MS4A13: variants seen among roughly 807,000 people sequenced by gnomAD.
MS4A13 encodes membrane-spanning 4-domains subfamily A member 13.
A neutral mutation model predicts 18.4 loss-of-function variants in MS4A13; 21 were observed. The observed-to-expected ratio is 1.14, with a 90% CI of 0.81 to 1.64. The LOEUF (loss-of-function observed/expected upper bound fraction) is 1.64, where lower values mean the gene tolerates loss of function less well. Ranked by LOEUF, MS4A13 falls within the 40% of genes most tolerant of loss-of-function variation. The probability of loss-of-function intolerance (pLI) is 0.00; values close to 1 mark genes in which losing one functional copy is unlikely to be tolerated. For missense variants in MS4A13, 173 were observed against 176.8 expected, an observed-to-expected ratio of 0.98 and a Z score of 0.12; for synonymous variants, 62 against 57.2, an observed-to-expected ratio of 1.08 and a Z score of -0.38.
intron 2 of MS4A13, among the ~76,000 whole-genome samples, chr11:60,516,919 T>C (rs1481728411): frequency 6.6e-6 from 1 of 152,090 alleles, no homozygotes; most frequent in Non-Finnish European, 1.5e-5. Flanking sequence ...GGAATCACTA[T>C]TCTTGACACC....
At chr11:60,527,386 C>T (rs1262150787) in intron 5 of MS4A13, among the ~76,000 whole-genome samples, 2 of 125,136 alleles carry the variant, frequency 1.6e-5, no homozygotes, top group African/African-American at 6.9e-5. Context: ...CTCTCTCTCT[C>T]TCTCTCTCTC....
intron 6 of MS4A13, among the ~76,000 whole-genome samples, chr11:60,539,946 G>A (rs766529192): frequency 6.6e-5 from 10 of 152,148 alleles, no homozygotes; most frequent in Non-Finnish European, 1.0e-4. Flanking sequence ...AAACACTAAA[G>A]GAAGTTCTTT....
intron 6 of MS4A13, among the ~76,000 whole-genome samples, chr11:60,532,610 T>A (rs993518538): frequency 6.6e-6 from 1 of 151,984 alleles, no homozygotes; most frequent in African/African-American, 2.4e-5. Flanking sequence ...CGCCCGCCAT[T>A]GCGCAGGCTT....
At chr11:60,517,528 T>G (rs906279832) in intron 2 of MS4A13, among the ~76,000 whole-genome samples, 18 of 152,306 alleles carry the variant, frequency 1.2e-4, no homozygotes, top group African/African-American at 4.3e-4. Flanking sequence ...GAGTCCATTT[T>G]GGATATTTTC....
chr11:60,529,734 C>CA (rs1219673221), intron 6 of MS4A13, among the ~76,000 whole-genome samples: 10 of 151,978 alleles, frequency 6.6e-5, no homozygotes, highest in Middle Eastern at 3.2e-3. Flanking sequence ...CAATTCTATA[C>CA]AAAAAAAGAC....
At position 60,532,331 on chromosome 11, in the gene MS4A13, G is replaced by A. The variant is rs199754437; in HGVS notation, c.402+2871G>A. Among the ~76,000 whole-genome samples, 731 of 152,322 alleles carry A rather than the reference G, an allele frequency of 4.8e-3. 7 individuals are homozygous for A. Among genetic ancestry groups the A allele is most frequent in the East Asian group, 0.026 (132 of 5,170 alleles). On this transcript the variant is annotated intron_variant, in intron 6 of 6. Transcript: ENST00000378186. ...TGTGTGCACGCACCGTGCGCGAGCC[G>A]AAGCAGGGCGAGGCATTGCCTCACC...
intron 3 of MS4A13, among the ~76,000 whole-genome samples, chr11:60,522,261 C>T (rs1199653738): frequency 1.2e-4 from 6 of 49,944 alleles, no homozygotes; most frequent in East Asian, 7.2e-4. Flanking sequence ...TAGATATATA[C>T]ACACATATAT....
chr11:60,529,505 C>T (rs750213193), intron 6 of MS4A13, 45 bp downstream of exon 6: 4 of 1,058,568 alleles, frequency 3.8e-6, no homozygotes, highest in Non-Finnish European at 5.6e-6. Context: ...ATGTTGATTT[C>T]TAGTAACTAC....
At chr11:60,523,067 T>C (rs1378397372) in intron 3 of MS4A13, among the ~76,000 whole-genome samples, 1 of 152,198 alleles carries the variant, frequency 6.6e-6, no homozygotes, top group Non-Finnish European at 1.5e-5. Flanking sequence ...TCACTTTAAA[T>C]TCTGAGCTAG....
Position 60,540,164 on chromosome 11 carries a change from A to T in MS4A13, c.403-2355A>T, listed in dbSNP as rs577691098. Among the ~76,000 whole-genome samples, 4 of 152,316 alleles carry T rather than the reference A, an allele frequency of 2.6e-5. No homozygotes were observed. The South Asian group carries it at 8.3e-4, about 32-fold the overall frequency. On this transcript the variant is annotated intron_variant, in intron 6 of 6. Transcript: ENST00000378186. ...GATTACCTTAATTTAAGGTCGTGTT[A>T]TTAGTAACATTAATTCCATCTGTCA...
At chr11:60,517,968 C>T (rs1224973882) in intron 2 of MS4A13, 104 bp from the exon 3 acceptor site, 1 of 894,662 alleles carries the variant, frequency 1.1e-6, no homozygotes, top group Non-Finnish European at 1.6e-6. Context: ...TGCTGTTTTA[C>T]TTTTGTATTT....
intron 4 of MS4A13, among the ~76,000 whole-genome samples, 155 bp from the exon 5 acceptor site, chr11:60,525,052 A>G (rs979547017): frequency 6.6e-5 from 10 of 152,232 alleles, no homozygotes; most frequent in Admixed American, 5.9e-4. Flanking sequence ...TGGGCTTCAT[A>G]TAAATCAGAA....
At position 60,521,180 on chromosome 11, in the gene MS4A13, A is replaced by G. The variant is rs577897289; in HGVS notation, c.130-2717A>G. On this transcript the variant is annotated intron_variant, in intron 3 of 6. Coordinates refer to ENST00000378186, the MANE Select transcript of MS4A13 (RefSeq NM_001012417.3). Reference sequence around the variant, plus strand: ...GCCCATGAAACCACTTTTTCCTCCTAGGCTTCAGGGCCTGTGATGGGAGGG... The same window carrying G: ...GCCCATGAAACCACTTTTTCCTCCTGGGCTTCAGGGCCTGTGATGGGAGGG... Among the ~76,000 whole-genome samples, 11 of 152,248 alleles carry G rather than the reference A, an allele frequency of 7.2e-5. No individual in the cohort carries two copies. In the East Asian group the frequency reaches 1.7e-3, roughly 24 times the overall value.
chr11:60,527,238 T>C (rs1054359779), intron 5 of MS4A13, among the ~76,000 whole-genome samples: 1 of 152,172 alleles, frequency 6.6e-6, no homozygotes, highest in Non-Finnish European at 1.5e-5. Flanking sequence ...ATTAGGGTTA[T>C]CTTGGTTTTA....
rs1265468970 is a variant in MS4A13 at position 60,517,262 on chromosome 11, C to T, written c.-12-810C>T. ...ACTTATATATTTCATAGACTGCCTG[C>T]TTTGCAAAGAGCTGGAACTCTTAAA... On this transcript the variant is annotated intron_variant, in intron 2 of 6. Coordinates refer to ENST00000378186, the MANE Select transcript of MS4A13 (RefSeq NM_001012417.3). 2.6e-5 allele frequency among the ~76,000 whole-genome samples: 4 copies of T among 151,892 alleles called. No homozygotes were observed. In the East Asian group the frequency reaches 7.7e-4, roughly 29 times the overall value.
chr11:60,524,579 T>C (rs983796518), intron 4 of MS4A13, among the ~76,000 whole-genome samples: 2 of 152,180 alleles, frequency 1.3e-5, no homozygotes, highest in African/African-American at 4.8e-5. Flanking sequence ...CTTTTTTTTT[T>C]TTCTTACAGT....
At chr11:60,541,560 T>C (rs1319476720) in intron 6 of MS4A13, among the ~76,000 whole-genome samples, 3 of 152,154 alleles carry the variant, frequency 2.0e-5, no homozygotes, top group Non-Finnish European at 4.4e-5. Context: ...CAGGTAAAAC[T>C]AAAGCTAACC....
chr11:60,523,874 T>C, intron 3 of MS4A13, 23 bp from the exon 4 acceptor site: 1 of 1,316,784 alleles, frequency 7.6e-7, no homozygotes, highest in South Asian at 1.2e-5. Flanking sequence ...AATGAGTATT[T>C]ATAAATATGT....
At chr11:60,530,153 C>G (rs561609917) in intron 6 of MS4A13, among the ~76,000 whole-genome samples, 1 of 152,302 alleles carries the variant, frequency 6.6e-6, no homozygotes, top group South Asian at 2.1e-4. Flanking sequence ...TTCATTCTTT[C>G]TCAAATATTT....
Sources: gnomAD v4.1 joint callset for allele counts (sites outside exome capture counted in the v4.1 genomes callset) on GRCh38, gnomAD v4.1.1 for gene constraint, MANE v1.5 for transcripts, NCBI Gene and HGNC (gene_info 2026-07-23, HGNC 2026-07-21) for gene names.